The following HIVEP3 variants were observed in gnomAD, a reference collection of about 807,000 sequenced individuals.
HIVEP3 encodes the protein HIVEP zinc finger 3.
HIVEP3 carries 49 observed loss-of-function variants against 152.8 expected under a neutral mutation model. That is an observed-to-expected ratio of 0.32 (90% CI 0.26 to 0.41). HIVEP3 has a LOEUF of 0.41. Ranked by LOEUF, HIVEP3 falls within the 10% of genes least tolerant of loss-of-function variation. The pLI is 1.00. For synonymous variants in HIVEP3, 1,269 were observed against 1,289.0 expected (o/e 0.98, Z 0.33); for missense variants, 2,790 against 3,103.3 (o/e 0.90, Z 2.40).
At chr1:41,903,568 C>G (rs1644660676) in intron 1 of HIVEP3, among the ~76,000 whole-genome samples, 1 of 152,222 alleles carries the variant, frequency 6.6e-6, no homozygotes, top group Non-Finnish European at 1.5e-5. Flanking sequence ...TCAGGAGGGA[C>G]CAAGACATTT....
intron 1 of HIVEP3, among the ~76,000 whole-genome samples, chr1:42,001,871 C>G (rs1213102708): frequency 4.4e-4 from 67 of 150,786 alleles, no homozygotes; most frequent in Non-Finnish European, 1.5e-4. Context: ...TCAGGAACCC[C>G]AAACATTCCC....
chr1:41,953,061 T>C (rs1645119853), intron 1 of HIVEP3, among the ~76,000 whole-genome samples: 1 of 152,208 alleles, frequency 6.6e-6, no homozygotes, highest in Admixed American at 6.5e-5. Flanking sequence ...ACACTGCTCC[T>C]GGTTATGGGC....
chr1:41,874,265 G>A (rs925458535), intron 1 of HIVEP3, among the ~76,000 whole-genome samples: 5 of 152,212 alleles, frequency 3.3e-5, no homozygotes, highest in Admixed American at 1.3e-4. Context: ...GAGAGGAAAT[G>A]CATTTACTTG....
intron 1 of HIVEP3, among the ~76,000 whole-genome samples, chr1:41,972,828 T>C (rs1446756489): frequency 6.6e-6 from 1 of 152,204 alleles, no homozygotes; most frequent in Non-Finnish European, 1.5e-5. Flanking sequence ...TTGAAAAGTT[T>C]GAGTACCTTT....
intron 5 of HIVEP3, among the ~76,000 whole-genome samples, chr1:41,547,867 AT>A (rs1014572457): frequency 1.3e-5 from 2 of 152,126 alleles, no homozygotes; most frequent in African/African-American, 4.8e-5. Flanking sequence ...CCACCTGACC[AT>A]GGGCTCCCAG....
At chr1:41,672,756 C>T (rs1310601874) in intron 2 of HIVEP3, among the ~76,000 whole-genome samples, 1 of 152,184 alleles carries the variant, frequency 6.6e-6, no homozygotes, top group Admixed American at 6.5e-5. Context: ...GCAGTCAAGA[C>T]ATCTGGCCAG....
chr1:41,665,454 T>C (rs1468421296), intron 2 of HIVEP3, among the ~76,000 whole-genome samples: 1 of 151,866 alleles, frequency 6.6e-6, no homozygotes, highest in East Asian at 1.9e-4. Context: ...TCCTCAAACA[T>C]GAATCAGGCA....
At chr1:41,945,014 A>C (rs1171962819) in intron 1 of HIVEP3, among the ~76,000 whole-genome samples, 1 of 152,186 alleles carries the variant, frequency 6.6e-6, no homozygotes, top group African/African-American at 2.4e-5. Flanking sequence ...GAGAAGTATA[A>C]ATTATAACCC....
At chr1:41,549,216 TG>T (rs1418582029) in intron 5 of HIVEP3, among the ~76,000 whole-genome samples, 1 of 152,226 alleles carries the variant, frequency 6.6e-6, no homozygotes, top group Non-Finnish European at 1.5e-5. Flanking sequence ...TCCTTTTCTA[TG>T]GGTACATAGT....
intron 1 of HIVEP3, among the ~76,000 whole-genome samples, chr1:41,785,462 T>A (rs1649292999): frequency 6.6e-6 from 1 of 152,220 alleles, no homozygotes; most frequent in Non-Finnish European, 1.5e-5. Context: ...ATCATAGTAT[T>A]ATTTAACATA....
chr1:41,757,119 A>ATTATTATTATTG (rs1647352669), intron 1 of HIVEP3, among the ~76,000 whole-genome samples: 1 of 147,662 alleles, frequency 6.8e-6, no homozygotes, highest in African/African-American at 2.5e-5. Context: ...TATTATTATT[A>ATTATTATTATTG]TTATTATTAT....
intron 3 of HIVEP3, among the ~76,000 whole-genome samples, chr1:41,612,526 C>T (rs549659060): frequency 2.6e-5 from 4 of 152,274 alleles, no homozygotes; most frequent in South Asian, 2.1e-4. Flanking sequence ...CTTATCACTT[C>T]GTTTTGCAGA....
At chr1:41,534,673 G>A (rs1643354287) in intron 5 of HIVEP3, among the ~76,000 whole-genome samples, 1 of 152,212 alleles carries the variant, frequency 6.6e-6, no homozygotes, top group African/African-American at 2.4e-5. Context: ...ATATTCATTA[G>A]CTGCACATCA....
chr1:41,977,938 C>G (rs115754286), intron 1 of HIVEP3, among the ~76,000 whole-genome samples: 1 of 152,226 alleles, frequency 6.6e-6, no homozygotes, highest in East Asian at 1.9e-4. Flanking sequence ...ACTGGGGAAT[C>G]ACCTCAAACA....
rs555037559 is a variant in HIVEP3 at position 41,735,859 on chromosome 1, C to G, written c.-800-34864G>C. On this transcript the variant is annotated intron_variant, in intron 1 of 8. Transcript: ENST00000372583. ...ATTCATGCACTGAGAGATTGCATTT[C>G]CAGTAAGTGGAGGCTGGAGAGAGAA... Among the ~76,000 whole-genome samples, 7 of 152,196 alleles carry G rather than the reference C, an allele frequency of 4.6e-5. No homozygotes were observed. The East Asian group carries it at 1.3e-3, about 29-fold the overall frequency.
chr1:41,969,759 G>C (rs1269455652), intron 1 of HIVEP3, among the ~76,000 whole-genome samples: 1 of 152,188 alleles, frequency 6.6e-6, no homozygotes, highest in Non-Finnish European at 1.5e-5. Context: ...ATTTTCATCA[G>C]AGCAGACAGA....
rs564465027 is a variant in HIVEP3, at chr1:41,528,014, G to A, written c.5208-3104C>T. On this transcript the variant is annotated intron_variant, in intron 5 of 8. Transcript: ENST00000372583. ...CTCCCGCACTCACACTCCACACCCC[G>A]CCCTCACACTCACCTTCACATTCAC... Among the ~76,000 whole-genome samples, 153 of 90,950 alleles carry A rather than the reference G, an allele frequency of 1.7e-3. 2 individuals carry two copies. Among genetic ancestry groups the A allele is most frequent in the African/African-American group, 6.3e-3 (141 of 22,348 alleles). The allele number at this position is 90,950 out of a possible 152,430, so 59.7% of individuals were successfully genotyped here.
chr1:42,008,166 G>A (rs1197721209), intron 1 of HIVEP3, among the ~76,000 whole-genome samples: 4 of 152,152 alleles, frequency 2.6e-5, no homozygotes, highest in Non-Finnish European at 5.9e-5. Context: ...GAACCAAGAA[G>A]TCTGACTGAA....
chr1:41,889,764 G>A (rs1038071275), intron 1 of HIVEP3, among the ~76,000 whole-genome samples: 1 of 152,134 alleles, frequency 6.6e-6, no homozygotes, highest in East Asian at 1.9e-4. Context: ...TAGGAATAAC[G>A]GACTCTGATT....
Sources: allele counts gnomAD v4.1 joint callset (sites outside exome capture counted in the v4.1 genomes callset), GRCh38; gene constraint gnomAD v4.1.1; transcripts MANE v1.5; gene names NCBI Gene and HGNC (gene_info 2026-07-23, HGNC 2026-07-21).